Variants in PRKAR1A observed in about 807,000 individuals in gnomAD.
PRKAR1A encodes the protein cAMP-dependent protein kinase type I-alpha regulatory subunit.
PRKAR1A carries 3 observed loss-of-function variants against 52.0 expected under a neutral mutation model. The observed-to-expected ratio is 0.06, with a 90% CI of 0.03 to 0.15. The LOEUF (loss-of-function observed/expected upper bound fraction) is 0.15. PRKAR1A is among the 10% of genes least tolerant of loss of function. PRKAR1A has a pLI of 1.00. For missense variants in PRKAR1A, 240 were observed against 477.4 expected, an observed-to-expected ratio of 0.50 and a Z score of 4.63; for synonymous variants, 188 against 168.4, an observed-to-expected ratio of 1.12 and a Z score of -0.90.
chr17:68,530,140 T>G (rs1311715784), intron 10 of PRKAR1A, 137 bp from the exon 11 acceptor site: 8 of 1,474,290 alleles, frequency 5.4e-6, no homozygotes, highest in Non-Finnish European at 7.6e-6. Flanking sequence ...AGAGGGAAGG[T>G]GTGAGATTTT....
upstream of PRKAR1A, among the ~76,000 whole-genome samples, chr17:68,511,476 T>C (rs1040410639): frequency 2.0e-4 from 31 of 152,224 alleles, no homozygotes; most frequent in Admixed American, 1.8e-3. Flanking sequence ...CTGCGATTTC[T>C]TGTTGGGTCA....
the PRKAR1A span, chr17:68,428,833 G>A: frequency 6.2e-7 from 1 of 1,612,136 alleles, no homozygotes; most frequent in Non-Finnish European, 8.5e-7. Context: ...CTTCACCTGT[G>A]GGTTTTGATT....
Position 68,533,091 on chromosome 17 carries a change from A to G in PRKAR1A, c.*2642A>G, listed in dbSNP as rs1600502455. On this transcript the variant is annotated 3_prime_UTR_variant, in exon 11 of 11. Coordinates refer to ENST00000589228, the MANE Select transcript of PRKAR1A (RefSeq NM_002734.5). ...GAACTTTCCCAGACTTAATGGGGAA[A>G]CATCATTTCTAGATTAGCATACTCT... is the stretch of plus-strand genomic sequence containing the variant. 8.4e-6 allele frequency: 9 copies of G among 1,065,310 alleles called. No individual in the cohort carries two copies. In the East Asian group the frequency reaches 4.5e-4, roughly 53 times the overall value. 66.0% of individuals were successfully genotyped at this position (1,065,310 alleles called of 1,614,324 possible). A position where few individuals can be genotyped will look rare whatever the true frequency, so the allele number is the denominator to read the frequency against.
chr17:68,475,416 C>T, the PRKAR1A span, among the ~76,000 whole-genome samples: 4 of 152,174 alleles, frequency 2.6e-5, no homozygotes, highest in Non-Finnish European at 5.9e-5. Context: ...AACAATTCCT[C>T]TCTAAGTCCT....
the PRKAR1A span, among the ~76,000 whole-genome samples, chr17:68,505,278 C>G: frequency 6.6e-6 from 1 of 152,112 alleles, no homozygotes; most frequent in Non-Finnish European, 1.5e-5. Flanking sequence ...GTGGCAGAGC[C>G]AGACTCTGTC....
the PRKAR1A span, among the ~76,000 whole-genome samples, chr17:68,505,656 T>C: frequency 4.8e-4 from 73 of 152,074 alleles, no homozygotes; most frequent in Admixed American, 3.7e-3. Context: ...CTACAAAAAA[T>C]ACAAAAATTA....
chr17:68,529,074 A>C (rs984116892), intron 9 of PRKAR1A, 83 bp downstream of exon 9: 28 of 1,544,276 alleles, frequency 1.8e-5, no homozygotes, highest in Non-Finnish European at 2.5e-5. Flanking sequence ...ACGCTCTAAG[A>C]GGGAAAGAGT....
At chr17:68,472,791 C>T in the PRKAR1A span, among the ~76,000 whole-genome samples, 1 of 151,674 alleles carries the variant, frequency 6.6e-6, no homozygotes, top group South Asian at 2.1e-4. Flanking sequence ...ACTAAAAATA[C>T]AAAAATTAGC....
At chr17:68,527,711 A>AT in intron 7 of PRKAR1A, 129 bp from the exon 8 acceptor site, 1 of 751,194 alleles carries the variant, frequency 1.3e-6, no homozygotes, top group Non-Finnish European at 2.2e-6. Flanking sequence ...AACTTTCCTC[A>AT]TTAAAAGCAA....
the PRKAR1A span, chr17:68,453,051 T>A: frequency 7.2e-7 from 1 of 1,395,218 alleles, no homozygotes; most frequent in South Asian, 1.2e-5. Flanking sequence ...CAGATCTGTC[T>A]GCAAATAGAT....
At chr17:68,546,289 C>T (rs961206202) in intron 11 of PRKAR1A, among the ~76,000 whole-genome samples, 4 of 151,820 alleles carry the variant, frequency 2.6e-5, no homozygotes. Context: ...TCTTTTATTT[C>T]CACATCTGCA....
At position 68,532,062 on chromosome 17, in the gene PRKAR1A, A is replaced by G. The variant is rs563013569; in HGVS notation, c.*1613A>G. On this transcript the variant is annotated 3_prime_UTR_variant, in exon 11 of 11. Coordinates refer to ENST00000589228, the MANE Select transcript of PRKAR1A (RefSeq NM_002734.5). ...TTTAGGTTGTTACCAAGTATGAAGT[A>G]TAAATCTGGGGAAGAGGTTTTATTT... The G allele has an allele frequency of 7.5e-6, 8 of 1,065,484 alleles. No homozygotes were observed. In the African/African-American group the frequency reaches 1.1e-4, roughly 15 times the overall value. The allele number at this position is 1,065,484 out of a possible 1,614,324, so 66.0% of individuals were successfully genotyped here.
At chr17:68,438,882 G>A in the PRKAR1A span, among the ~76,000 whole-genome samples, 1 of 152,230 alleles carries the variant, frequency 6.6e-6, no homozygotes, top group African/African-American at 2.4e-5. Flanking sequence ...TTACAGGCGT[G>A]AGCCATCGTG....
the PRKAR1A span, chr17:68,452,920 G>T: frequency 6.2e-7 from 1 of 1,613,886 alleles, no homozygotes; most frequent in South Asian, 1.1e-5. Flanking sequence ...TGCTTCCGTG[G>T]ACTTGATCCA....
chr17:68,546,376 G>A (rs1422387369), intron 11 of PRKAR1A, among the ~76,000 whole-genome samples: 1 of 151,744 alleles, frequency 6.6e-6, no homozygotes, highest in Non-Finnish European at 1.5e-5. Context: ...TTAAACTCCT[G>A]TTAATGTTGA....
At chr17:68,521,098 C>T (rs1282389193) in intron 2 of PRKAR1A, among the ~76,000 whole-genome samples, 1 of 152,118 alleles carries the variant, frequency 6.6e-6, no homozygotes, top group African/African-American at 2.4e-5. Flanking sequence ...CCTGCCACCA[C>T]ACCTGGCTAA....
At chr17:68,513,677 CTG>C (rs2085342614) in intron 1 of PRKAR1A, among the ~76,000 whole-genome samples, 1 of 152,216 alleles carries the variant, frequency 6.6e-6, no homozygotes, top group Non-Finnish European at 1.5e-5. Flanking sequence ...AATATTAAGA[CTG>C]TGAAGTCTGG....
chr17:68,546,596 C>G (rs989874678), intron 11 of PRKAR1A, among the ~76,000 whole-genome samples: 1 of 151,162 alleles, frequency 6.6e-6, no homozygotes, highest in African/African-American at 2.5e-5. Context: ...TTTGGGAGGC[C>G]GAGGCGGGCG....
chr17:68,516,986 TAA>T, intron 2 of PRKAR1A, among the ~76,000 whole-genome samples: 1 of 152,330 alleles, frequency 6.6e-6, no homozygotes, highest in South Asian at 2.1e-4. Context: ...GGTGAGACAT[TAA>T]GTGTGTATCT....
Sources: gnomAD v4.1 joint callset for allele counts (sites outside exome capture counted in the v4.1 genomes callset) on GRCh38, gnomAD v4.1.1 for gene constraint, MANE v1.5 for transcripts, NCBI Gene and HGNC (gene_info 2026-07-23, HGNC 2026-07-21) for gene names.